ADAM11: variants seen among roughly 807,000 people sequenced by gnomAD.
ADAM11 encodes disintegrin and metalloproteinase domain-containing protein 11.
A neutral mutation model predicts 119.1 loss-of-function variants in ADAM11; 49 were observed. The ratio of observed to expected loss-of-function variants is 0.41; its 90% CI spans 0.33 to 0.52. The LOEUF is 0.52. Among genes scored for constraint, ADAM11 ranks in the 20% least tolerant of loss-of-function variants. The probability of loss-of-function intolerance (pLI) is 0.20; values close to 1 mark genes in which losing one functional copy is unlikely to be tolerated. For synonymous variants in ADAM11, 364 were observed against 408.0 expected, an observed-to-expected ratio of 0.89 and a Z score of 1.30; for missense variants, 777 against 1,047.5, an observed-to-expected ratio of 0.74 and a Z score of 3.56.
chr17:44,774,388 TG>T lies in ADAM11; in HGVS notation c.1077+15del. Reference sequence around the variant, plus strand: ...GCGGGGGTGTGAACGAGGTGAGCAGTGGGGGGACATGGCTGGGGTGGCGGCT... The same window carrying T: ...GCGGGGGTGTGAACGAGGTGAGCAGTGGGGGACATGGCTGGGGTGGCGGCT... On this transcript the variant is annotated intron_variant, in intron 12 of 26. Transcript: ENST00000200557. 2.0e-6 allele frequency: 3 copies of T among 1,494,328 alleles called. No individual in the cohort carries two copies. The highest frequency in any genetic ancestry group is 2.1e-5 in the Admixed American group (1 of 47,676). 92.6% of individuals were successfully genotyped at this position (1,494,328 alleles called of 1,614,324 possible).
Position 44,775,556 on chromosome 17 carries a change from C to T in ADAM11, c.1393-28C>T. On this transcript the variant is annotated intron_variant, in intron 16 of 26. Coordinates refer to ENST00000200557, the MANE Select transcript of ADAM11 (RefSeq NM_002390.6). The surrounding 1 kb of genome is among the most constrained non-coding windows in gnomAD (Gnocchi z 7.5). ...AGTGGGAGGATTAGGGCTCGCCCGC[C>T]TCCTTCCCCTCCTCCCGCGTCCCTC... The T allele has an allele frequency of 1.9e-6, 3 of 1,559,526 alleles. No homozygotes were observed. Among genetic ancestry groups the T allele is most frequent in the Middle Eastern group, 1.7e-4 (1 of 5,942 alleles).
Position 44,777,233 on chromosome 17 carries a change from CA to C in ADAM11, c.1751del (p.Lys584ArgfsTer29). ...GGACGGAGCGTGGGAGCTGTGGGCGCAAGGGATCTGGCTGGGTCCAGTGCAG... is the reference window on the plus strand; with the variant it reads ...GGACGGAGCGTGGGAGCTGTGGGCGCAGGGATCTGGCTGGGTCCAGTGCAG... ...EGTERGSCGR[K>X]GSGWVQCSKQ... On this transcript the variant is annotated frameshift_variant, in exon 21 of 27. Coordinates refer to ENST00000200557, the MANE Select transcript of ADAM11 (RefSeq NM_002390.6). LOFTEE classifies it high-confidence loss of function. This position sits in a 1 kb window ranked among gnomAD's most constrained non-coding sequence, Gnocchi z 5.1. 6.2e-7 allele frequency: 1 copy of C among 1,608,566 alleles called. No homozygotes were observed. The highest frequency in any genetic ancestry group is 8.5e-7 in the Non-Finnish European group (1 of 1,179,530).
At position 44,772,503 on chromosome 17, in the gene ADAM11, C is replaced by A; in HGVS notation, c.678+37C>A. 1 of 1,550,140 alleles carries A rather than the reference C, an allele frequency of 6.5e-7. No individual in the cohort carries two copies. Among genetic ancestry groups the A allele is most frequent in the Non-Finnish European group, 8.7e-7 (1 of 1,147,066 alleles). ...CGCACAGACCTCGGGCTGCAGAGAC[C>A]TCGGGCTGCAGAGAGACCTCAGGCC... On this transcript the variant is annotated intron_variant, in intron 8 of 26. Transcript: ENST00000200557. This position sits in a 1 kb window ranked among gnomAD's most constrained non-coding sequence, Gnocchi z 4.5.
At position 44,773,472 on chromosome 17, in the gene ADAM11, T is replaced by C. The variant is rs201989571; in HGVS notation, c.992+45T>C. On this transcript the variant is annotated intron_variant, in intron 11 of 26. Transcript: ENST00000200557. The surrounding 1 kb of genome is among the most constrained non-coding windows in gnomAD (Gnocchi z 4.6). Reference sequence around the variant, plus strand: ...CCTCCTGCCAGCCTCTGCTAGTTGCTACAGTGCTTGGGATTACTTAACACC... The same window carrying C: ...CCTCCTGCCAGCCTCTGCTAGTTGCCACAGTGCTTGGGATTACTTAACACC... 3.1e-6 allele frequency: 5 copies of C among 1,596,736 alleles called. No homozygotes were observed. Among genetic ancestry groups the C allele is most frequent in the African/African-American group, 2.7e-5 (2 of 74,834 alleles).
chr17:44,779,352 G>A (rs1197959020), intron 26 of ADAM11, 113 bp downstream of exon 26: 2 of 1,471,690 alleles, frequency 1.4e-6, no homozygotes, highest in Non-Finnish European at 1.8e-6. Context: ...GGGAGCGGGG[G>A]CTGATTCCCC....
rs1351674748 is a variant in ADAM11 at position 44,774,733 on chromosome 17, A to G, written c.1204A>G (p.Ile402Val). ...GTGTCCAGACATCTGGCTGGGCTGC[A>G]TCATGGAGGACACTGGGTGAGTTCT... is the stretch of plus-strand genomic sequence containing the variant. Reference protein sequence around the residue: ...CKCPDIWLGCIMEDTGFYLPR... With the variant: ...CKCPDIWLGCVMEDTGFYLPR... Residue 402 changes from isoleucine (I) to valine (V), a missense_variant, in exon 14 of 27, where the codon ATC becomes GTC. Around this residue, in one of 4 missense-constraint regions of ADAM11, gnomAD observed 4 missense variants for 27.4 expected, o/e 0.15. Coordinates refer to ENST00000200557, the MANE Select transcript of ADAM11 (RefSeq NM_002390.6). 4 of 1,592,668 alleles carry G rather than the reference A, an allele frequency of 2.5e-6. No homozygotes were observed. The highest frequency in any genetic ancestry group is 3.4e-6 in the Non-Finnish European group (4 of 1,174,094).
chr17:44,766,508 A>G (rs56217256), intron 2 of ADAM11, among the ~76,000 whole-genome samples: 17 of 152,208 alleles, frequency 1.1e-4, no homozygotes, highest in African/African-American at 4.1e-4. Flanking sequence ...GCCAGAGAGG[A>G]GCCTCGGGTG....
At position 44,759,804 on chromosome 17, in the gene ADAM11, G is replaced by A. The variant is rs565761652; in HGVS notation, c.144G>A (p.Thr48=). 9 of 1,320,104 alleles carry A rather than the reference G, an allele frequency of 6.8e-6. No individual in the cohort carries two copies. In the South Asian group the frequency reaches 1.5e-4, roughly 22 times the overall value. The allele number at this position is 1,320,104 out of a possible 1,614,324, so 81.8% of individuals were successfully genotyped here. A position where few individuals can be genotyped will look rare whatever the true frequency, so the allele number is the denominator to read the frequency against. The part of the protein sequence containing the change: ...QLGGPGAPEV[T]EPSRLVRESS... Reference sequence around the variant, plus strand: ...GAGGCCCAGGAGCCCCTGAGGTCACGGAACCCAGCCGTCTGGTTAGGGAGA... The same window carrying A: ...GAGGCCCAGGAGCCCCTGAGGTCACAGAACCCAGCCGTCTGGTTAGGGAGA... The change falls in exon 2 of 27, where the codon ACG becomes ACA. Residue 48 remains threonine, a synonymous_variant. Coordinates refer to ENST00000200557, the MANE Select transcript of ADAM11 (RefSeq NM_002390.6).
At chr17:44,761,501 G>A (rs1046042758) in intron 2 of ADAM11, among the ~76,000 whole-genome samples, 7 of 152,114 alleles carry the variant, frequency 4.6e-5, no homozygotes, top group Non-Finnish European at 8.8e-5. Context: ...TTCTGCAGGT[G>A]AGTGAGTGCA....
At chr17:44,778,713 A>AAAG (rs71136047) in intron 25 of ADAM11, among the ~76,000 whole-genome samples, 3,601 of 80,120 alleles carry the variant, frequency 0.045, 509 homozygotes, top group African/African-American at 0.081. Flanking sequence ...AAAAAAAAAA[A>AAAG]GAAAGAAAGA....
In ADAM11 at chr17:44,776,099, T is replaced by C; in HGVS notation, c.1486-28T>C. ...GCAGGGCCGAGGCATCCATCCTGCC[T>C]GACTCGAGGAGCGCGTCTCTTCCCT... is the stretch of plus-strand genomic sequence containing the variant. On this transcript the variant is annotated intron_variant, in intron 17 of 26. Coordinates refer to ENST00000200557, the MANE Select transcript of ADAM11 (RefSeq NM_002390.6). The surrounding 1 kb of genome is among the most constrained non-coding windows in gnomAD (Gnocchi z 5.2). 5.0e-6 allele frequency: 8 copies of C among 1,612,768 alleles called. No homozygotes were observed. The South Asian group carries it at 7.7e-5, about 16-fold the overall frequency.
intron 2 of ADAM11, among the ~76,000 whole-genome samples, chr17:44,768,058 C>T (rs952390732): frequency 2.0e-5 from 3 of 152,176 alleles, no homozygotes; most frequent in Non-Finnish European, 4.4e-5. Context: ...CTGGGTCATC[C>T]CTGGGGCTGC....
In ADAM11 at chr17:44,772,569, C is replaced by T. The variant is rs1216197865; in HGVS notation, c.678+103C>T. 18 of 1,396,580 alleles carry T rather than the reference C, an allele frequency of 1.3e-5. No individual in the cohort carries two copies. The highest frequency in any genetic ancestry group is 2.7e-5 in the South Asian group (2 of 75,158). 86.5% of individuals were successfully genotyped at this position (1,396,580 alleles called of 1,614,324 possible). A position where few individuals can be genotyped will look rare whatever the true frequency, so the allele number is the denominator to read the frequency against. Reference sequence around the variant, plus strand: ...AGGGCACCCTCATCTATGGCTGGGGCGAAGGAAGGCTCAGATGGATGTGGC... The same window carrying T: ...AGGGCACCCTCATCTATGGCTGGGGTGAAGGAAGGCTCAGATGGATGTGGC... On this transcript the variant is annotated intron_variant, in intron 8 of 26. Transcript: ENST00000200557. The surrounding 1 kb of genome is among the most constrained non-coding windows in gnomAD (Gnocchi z 4.5).
At position 44,759,833 on chromosome 17, in the gene ADAM11, C is replaced by T. The variant is rs146407909; in HGVS notation, c.173C>T (p.Ser58Phe). ...TEPSRLVRES[S>F]GGEVRKQQLD... is the part of the protein sequence containing the mutation. Reference sequence around the variant, plus strand: ...CCCAGCCGTCTGGTTAGGGAGAGCTCCGGGGGAGAGGTCCGAAAGCAGCAG... The same window carrying T: ...CCCAGCCGTCTGGTTAGGGAGAGCTTCGGGGGAGAGGTCCGAAAGCAGCAG... Residue 58 changes from serine (S) to phenylalanine (F), a missense_variant, in exon 2 of 27, where the codon TCC (serine) becomes TTC (phenylalanine). Physicochemically the swap from Ser to Phe is radical, Grantham distance 155 (BLOSUM62 -2). Transcript: ENST00000200557. 1 of 1,315,298 alleles carries T rather than the reference C, an allele frequency of 7.6e-7. No homozygotes were observed. Among genetic ancestry groups the T allele is most frequent in the Non-Finnish European group, 9.8e-7 (1 of 1,023,794 alleles). The allele number at this position is 1,315,298 out of a possible 1,614,324, so 81.5% of individuals were successfully genotyped here. A position where few individuals can be genotyped will look rare whatever the true frequency, so the allele number is the denominator to read the frequency against.
rs200125693 is a variant in ADAM11 at position 44,769,991 on chromosome 17, C to A, written c.324C>A (p.Leu108=). The change falls in exon 4 of 27, where the codon CTC becomes CTA. Residue 108 remains leucine (L), a synonymous_variant. Transcript: ENST00000200557. The part of the protein sequence containing the change: ...TLDLELNHHL[L]SSQYVERHFS... ...GCCCCCTCTGTCTCAGCCACCTCCT[C>A]TCCTCGCAATACGTGGAGCGCCACT... is the stretch of plus-strand genomic sequence containing the variant. The A allele has an allele frequency of 3.7e-6, 6 of 1,614,138 alleles. No individual in the cohort carries two copies. The highest frequency in any genetic ancestry group is 5.1e-6 in the Non-Finnish European group (6 of 1,179,998).
Position 44,780,023 on chromosome 17 carries a change from G to A in ADAM11, c.*269G>A. ...ACACCCACTGCCCCGTGTGAATGTA[G>A]CTTCCACCTCATGGATTGCCACAGC... On this transcript the variant is annotated 3_prime_UTR_variant, in exon 27 of 27. Transcript: ENST00000200557. The A allele has an allele frequency of 1.4e-6, 1 of 697,806 alleles. No homozygotes were observed. Among genetic ancestry groups the A allele is most frequent in the East Asian group, 2.7e-5 (1 of 36,872 alleles). The allele number at this position is 697,806 out of a possible 1,614,324, so 43.2% of individuals were successfully genotyped here.
In ADAM11 at chr17:44,778,688, CAAAA is replaced by C. The variant is rs566515861; in HGVS notation, c.2276+468_2276+471del. Among the ~76,000 whole-genome samples, 277 of 52,398 alleles carry C rather than the reference CAAAA, an allele frequency of 5.3e-3. 1 individual carries two copies. The highest frequency in any genetic ancestry group is 0.019 in the African/African-American group (254 of 13,514). 34.4% of individuals were successfully genotyped at this position (52,398 alleles called of 152,430 possible). On this transcript the variant is annotated intron_variant, in intron 25 of 26. Coordinates refer to ENST00000200557, the MANE Select transcript of ADAM11 (RefSeq NM_002390.6). ...CCTGGGTGACAGAGCAAGACTGCGT[CAAAA>C]AAAAAAAAAAAAAAAAAAAAAGAAA...
At chr17:44,769,655 C>T in intron 2 of ADAM11, 63 bp from the exon 3 acceptor site, 4 of 1,118,428 alleles carry the variant, frequency 3.6e-6, no homozygotes, top group Non-Finnish European at 5.4e-6. Flanking sequence ...CTCCCGGGAT[C>T]CCCCCGACTC....
intron 2 of ADAM11, among the ~76,000 whole-genome samples, chr17:44,765,604 T>C (rs2049438583): frequency 8.3e-6 from 1 of 120,530 alleles, no homozygotes. Flanking sequence ...TTTTCTTTTC[T>C]TTTCTCTTTT....
Sources: allele counts gnomAD v4.1 joint callset (sites outside exome capture counted in the v4.1 genomes callset), GRCh38; gene constraint gnomAD v4.1.1; regional missense constraint gnomAD v4.1.1; non-coding constraint Gnocchi (gnomAD v3.1); transcripts MANE v1.5; gene names NCBI Gene and HGNC (gene_info 2026-07-23, HGNC 2026-07-21).